Variants in GPR39 observed in about 807,000 individuals in gnomAD.
The protein encoded by GPR39 is zinc sensing receptor.
GPR39 carries 23 observed loss-of-function variants against 18.4 expected under a neutral mutation model. The observed-to-expected ratio is 1.25, with a 90% CI of 0.90 to 1.77. The LOEUF (loss-of-function observed/expected upper bound fraction) is 1.77, where lower values mean the gene tolerates loss of function less well. Among genes scored for constraint, GPR39 ranks in the 40% most tolerant of loss-of-function variants. The pLI is 0.00. For missense variants in GPR39, 647 were observed against 602.4 expected (o/e 1.07, Z -0.78); for synonymous variants, 280 against 257.9 (o/e 1.09, Z -0.82).
At chr2:132,471,086 C>T (rs1373002152) in intron 1 of GPR39, among the ~76,000 whole-genome samples, 2 of 152,118 alleles carry the variant, frequency 1.3e-5, no homozygotes, top group Admixed American at 6.6e-5. Flanking sequence ...CTGAGCACTG[C>T]AATCCCAGGG....
chr2:132,575,293 T>A (rs1326626570), intron 1 of GPR39, among the ~76,000 whole-genome samples: 1 of 152,244 alleles, frequency 6.6e-6, no homozygotes, highest in Non-Finnish European at 1.5e-5. Flanking sequence ...CACTGTGCAG[T>A]CACTTAAATA....
intron 1 of GPR39, among the ~76,000 whole-genome samples, chr2:132,437,839 A>C (rs1394808019): frequency 6.6e-6 from 1 of 152,156 alleles, no homozygotes; most frequent in African/African-American, 2.4e-5. Flanking sequence ...GGGAGCATAG[A>C]TTTTGGAGCT....
chr2:132,640,604 T>G (rs2315521), intron 1 of GPR39, among the ~76,000 whole-genome samples: 59,859 of 152,114 alleles, frequency 0.39, 13,628 homozygotes, highest in South Asian at 0.53. Flanking sequence ...GGCTGCACAT[T>G]ACACCACACA....
chr2:132,646,294 C>A lies in GPR39; in HGVS notation c.*688C>A. On this transcript the variant is annotated 3_prime_UTR_variant, in exon 2 of 2. Transcript: ENST00000329321. ...GGTACATGATCCCTGTAACACAGAC[C>A]CAAAGGAGCTGAGTTAACGTGCACC... The A allele has an allele frequency of 6.9e-7, 1 of 1,443,746 alleles. No individual in the cohort carries two copies. Among genetic ancestry groups the A allele is most frequent in the African/African-American group, 1.4e-5 (1 of 69,532 alleles). 89.4% of individuals were successfully genotyped at this position (1,443,746 alleles called of 1,614,324 possible). A position where few individuals can be genotyped will look rare whatever the true frequency, so the allele number is the denominator to read the frequency against.
chr2:132,459,212 T>C (rs915651540), intron 1 of GPR39, among the ~76,000 whole-genome samples: 1 of 151,716 alleles, frequency 6.6e-6, no homozygotes, highest in East Asian at 1.9e-4. Context: ...CAGGTAGAAT[T>C]TGTGTTTGTG....
At chr2:132,480,674 A>C (rs1290277969) in intron 1 of GPR39, among the ~76,000 whole-genome samples, 3 of 152,222 alleles carry the variant, frequency 2.0e-5, no homozygotes, top group Non-Finnish European at 4.4e-5. Context: ...AATGCTAACG[A>C]GAAAATGATG....
intron 1 of GPR39, among the ~76,000 whole-genome samples, chr2:132,615,156 A>G (rs1173674271): frequency 6.6e-6 from 1 of 152,166 alleles, no homozygotes; most frequent in East Asian, 1.9e-4. Flanking sequence ...TGCAACTGCC[A>G]AGGTCTAGTC....
chr2:132,496,032 A>G (rs1204863403), intron 1 of GPR39, among the ~76,000 whole-genome samples: 1 of 152,162 alleles, frequency 6.6e-6, no homozygotes, highest in African/African-American at 2.4e-5. Flanking sequence ...CCATTTCAGC[A>G]TCGGACTTCC....
intron 1 of GPR39, among the ~76,000 whole-genome samples, chr2:132,543,352 GA>G (rs1679892903): frequency 6.6e-6 from 1 of 152,150 alleles, no homozygotes; most frequent in Non-Finnish European, 1.5e-5. Flanking sequence ...TTAAGGAATG[GA>G]ATTTTCCACT....
chr2:132,587,910 G>T (rs1279980024), intron 1 of GPR39, among the ~76,000 whole-genome samples: 1 of 152,140 alleles, frequency 6.6e-6, no homozygotes. Flanking sequence ...GAACAGAGAG[G>T]GCAGTCTATT....
intron 1 of GPR39, among the ~76,000 whole-genome samples, chr2:132,579,572 C>T (rs780582935): frequency 3.9e-5 from 6 of 152,142 alleles, no homozygotes; most frequent in Non-Finnish European, 8.8e-5. Context: ...AACTATAAGA[C>T]TATGGATGTG....
intron 1 of GPR39, among the ~76,000 whole-genome samples, chr2:132,537,500 AT>A (rs139929782): frequency 0.13 from 18,145 of 136,798 alleles, 1,422 homozygotes; most frequent in African/African-American, 0.25. Flanking sequence ...TTCCCTTAAC[AT>A]TTTTTTTTTT....
At chr2:132,499,674 A>G (rs191371713) in intron 1 of GPR39, among the ~76,000 whole-genome samples, 144 of 152,214 alleles carry the variant, frequency 9.5e-4, no homozygotes, top group African/African-American at 1.9e-3. Flanking sequence ...CATTTTCACA[A>G]TATTGATTCT....
chr2:132,479,735 C>A (rs191472953), intron 1 of GPR39, among the ~76,000 whole-genome samples: 30 of 152,306 alleles, frequency 2.0e-4, no homozygotes, highest in African/African-American at 7.0e-4. Context: ...AAATTGGAAC[C>A]CTTGGGCACT....
At chr2:132,581,273 G>GT (rs1171724872) in intron 1 of GPR39, among the ~76,000 whole-genome samples, 1 of 151,434 alleles carries the variant, frequency 6.6e-6, no homozygotes, top group Non-Finnish European at 1.5e-5. Flanking sequence ...CCTCTATTAG[G>GT]TATTTGTTTC....
At chr2:132,550,981 C>G (rs1289500160) in intron 1 of GPR39, among the ~76,000 whole-genome samples, 1 of 152,150 alleles carries the variant, frequency 6.6e-6, no homozygotes, top group Non-Finnish European at 1.5e-5. Flanking sequence ...AGGAAGAGCA[C>G]TGATGGCATT....
At chr2:132,529,748 G>A (rs576043012) in intron 1 of GPR39, among the ~76,000 whole-genome samples, 1 of 152,334 alleles carries the variant, frequency 6.6e-6, no homozygotes, top group Non-Finnish European at 1.5e-5. Flanking sequence ...AATAGGGTCT[G>A]GAGTGGACCT....
chr2:132,594,710 G>A (rs934387623), intron 1 of GPR39, among the ~76,000 whole-genome samples: 8 of 151,760 alleles, frequency 5.3e-5, no homozygotes, highest in Non-Finnish European at 1.2e-4. Context: ...GAGAGACACC[G>A]AGATACCTCT....
At chr2:132,589,198 C>T (rs1173856574) in intron 1 of GPR39, among the ~76,000 whole-genome samples, 2 of 149,180 alleles carry the variant, frequency 1.3e-5, no homozygotes, top group Non-Finnish European at 3.0e-5. Context: ...TTGGAGGCAG[C>T]CTTTCTGGCC....
Sources: allele counts gnomAD v4.1 joint callset (sites outside exome capture counted in the v4.1 genomes callset), GRCh38; gene constraint gnomAD v4.1.1; transcripts MANE v1.5; gene names NCBI Gene and HGNC (gene_info 2026-07-23, HGNC 2026-07-21).